The following EYA1 variants were observed in gnomAD, a reference collection of about 807,000 sequenced individuals.
The protein encoded by EYA1 is protein phosphatase EYA1.
EYA1 carries 16 observed loss-of-function variants against 82.0 expected under a neutral mutation model. The ratio of observed to expected loss-of-function variants is 0.20; its 90% CI spans 0.13 to 0.30. The LOEUF (loss-of-function observed/expected upper bound fraction) is 0.30. Ranked by LOEUF, EYA1 falls within the 10% of genes least tolerant of loss-of-function variation. The pLI is 1.00. For synonymous variants in EYA1, 261 were observed against 264.4 expected (o/e 0.99, Z 0.12); for missense variants, 633 against 730.7 (o/e 0.87, Z 1.54).
chr8:71,359,033 A>C (rs1411287999), intron 1 of EYA1, among the ~76,000 whole-genome samples: 1 of 151,884 alleles, frequency 6.6e-6, no homozygotes, highest in African/African-American at 2.4e-5. Flanking sequence ...ATAACATAAC[A>C]AATGGTCATC....
chr8:71,484,801 A>G (rs1415337289), intron 2 of EYA1, among the ~76,000 whole-genome samples: 1 of 152,144 alleles, frequency 6.6e-6, no homozygotes, highest in Non-Finnish European at 1.5e-5. Context: ...GCCGCTCCCC[A>G]TCATGCTGTC....
intron 2 of EYA1, among the ~76,000 whole-genome samples, chr8:71,414,122 G>C (rs985145171): frequency 4.6e-5 from 7 of 152,222 alleles, no homozygotes; most frequent in African/African-American, 1.7e-4. Flanking sequence ...CTGAGTAGGA[G>C]CTACAGGCCA....
At chr8:71,479,730 C>A (rs61263736) in intron 2 of EYA1, among the ~76,000 whole-genome samples, 21,678 of 151,532 alleles carry the variant, frequency 0.14, 2,751 homozygotes, top group East Asian at 0.47. Context: ...GCTACACTGG[C>A]CCCTGAGATG....
intron 2 of EYA1, among the ~76,000 whole-genome samples, chr8:71,356,257 A>G (rs894883809): frequency 1.3e-5 from 2 of 152,220 alleles, no homozygotes; most frequent in East Asian, 3.8e-4. Context: ...TAGAAACTAT[A>G]GCCCATAATT....
chr8:71,407,846 C>T (rs1176075232), intron 2 of EYA1, among the ~76,000 whole-genome samples: 3 of 149,472 alleles, frequency 2.0e-5, no homozygotes, highest in East Asian at 3.9e-4. Flanking sequence ...GGCAGGCCAA[C>T]GTTCAGATTC....
At chr8:71,530,771 G>A (rs889367529) in intron 2 of EYA1, 8 of 152,138 alleles carry the variant, frequency 5.3e-5, no homozygotes, top group African/African-American at 4.8e-5. Flanking sequence ...GTACATACAT[G>A]TTTTATTTAA....
chr8:71,214,009 A>G (rs988244074), intron 16 of EYA1, among the ~76,000 whole-genome samples: 1 of 152,228 alleles, frequency 6.6e-6, no homozygotes, highest in South Asian at 2.1e-4. Flanking sequence ...TGAACAAATA[A>G]TTATAAAAGT....
At chr8:71,419,449 C>T (rs1468576107) in intron 2 of EYA1, among the ~76,000 whole-genome samples, 1 of 152,134 alleles carries the variant, frequency 6.6e-6, no homozygotes, top group Non-Finnish European at 1.5e-5. Flanking sequence ...CACTAAAACT[C>T]CATTGTCAAA....
chr8:71,454,934 C>T (rs866566630), intron 2 of EYA1, among the ~76,000 whole-genome samples: 14 of 151,186 alleles, frequency 9.3e-5, no homozygotes, highest in African/African-American at 2.7e-4. Flanking sequence ...CAGAACTGAA[C>T]GAGATAGAGA....
At chr8:71,265,438 T>G (rs945763507) in intron 11 of EYA1, among the ~76,000 whole-genome samples, 1 of 152,234 alleles carries the variant, frequency 6.6e-6, no homozygotes, top group Non-Finnish European at 1.5e-5. Flanking sequence ...TCATGTTTTG[T>G]TTTTTGTTGA....
intron 2 of EYA1, among the ~76,000 whole-genome samples, chr8:71,479,429 A>T (rs1396813166): frequency 6.6e-6 from 1 of 152,066 alleles, no homozygotes; most frequent in African/African-American, 2.4e-5. Context: ...ATTCCATTTT[A>T]ACATGCTATG....
chr8:71,309,422 G>A (rs1162725861), intron 7 of EYA1, among the ~76,000 whole-genome samples: 2 of 151,752 alleles, frequency 1.3e-5, no homozygotes, highest in Non-Finnish European at 2.9e-5. Context: ...TATGAGAAGA[G>A]TGGCAAAGCA....
At chr8:71,227,558 G>A (rs141818405) in intron 12 of EYA1, among the ~76,000 whole-genome samples, 12 of 152,184 alleles carry the variant, frequency 7.9e-5, no homozygotes, top group East Asian at 3.9e-4. Context: ...AAAGTGAATC[G>A]CATACCAATT....
intron 12 of EYA1, among the ~76,000 whole-genome samples, chr8:71,221,327 G>A (rs537634529): frequency 1.4e-4 from 21 of 152,146 alleles, no homozygotes; most frequent in Non-Finnish European, 2.2e-4. Context: ...GGGATGGGGC[G>A]GGGAAGGTAC....
At chr8:71,541,614 CTAAA>C (rs1815142966) in intron 1 of EYA1, among the ~76,000 whole-genome samples, 1 of 152,120 alleles carries the variant, frequency 6.6e-6, no homozygotes, top group South Asian at 2.1e-4. Flanking sequence ...TAAGAAAACT[CTAAA>C]TAAGTGACAA....
At chr8:71,381,693 G>A (rs1378101825) in intron 2 of EYA1, among the ~76,000 whole-genome samples, 2 of 152,204 alleles carry the variant, frequency 1.3e-5, no homozygotes, top group African/African-American at 4.8e-5. Flanking sequence ...ACACACGGAA[G>A]TGTGCCTAAA....
rs144088105 is a variant in EYA1 at position 71,387,524 on chromosome 8, A to G, written c.34-31013T>C. ...AAAAGTGACATGCATCTTTGAGAGA[A>G]AACGGAGAGATCTGAAAAACATTTA... On this transcript the variant is annotated intron_variant, in intron 2 of 18. Coordinates refer to the EYA1 transcript ENST00000643681. Among the ~76,000 whole-genome samples, 1,307 of 152,254 alleles carry G rather than the reference A, an allele frequency of 8.6e-3. 6 individuals carry two copies. Among genetic ancestry groups the G allele is most frequent in the Non-Finnish European group, 0.014 (981 of 68,002 alleles).
At chr8:71,385,386 G>C (rs1290495328) in intron 2 of EYA1, among the ~76,000 whole-genome samples, 1 of 151,944 alleles carries the variant, frequency 6.6e-6, no homozygotes, top group Non-Finnish European at 1.5e-5. Context: ...TCTCACCTGA[G>C]CCACCACGTA....
chr8:71,297,729 C>A (rs1330095244), intron 9 of EYA1, among the ~76,000 whole-genome samples: 1 of 151,982 alleles, frequency 6.6e-6, no homozygotes, highest in African/African-American at 2.4e-5. Context: ...TCAATGCATT[C>A]TATAATAAAA....
Sources: allele counts gnomAD v4.1 joint callset (sites outside exome capture counted in the v4.1 genomes callset), GRCh38; gene constraint gnomAD v4.1.1; transcripts MANE v1.5; gene names NCBI Gene and HGNC (gene_info 2026-07-23, HGNC 2026-07-21).